CATSPERT: variants seen among roughly 807,000 people sequenced by gnomAD.
The protein encoded by CATSPERT is catsper channel auxiliary subunit tau.
chr2:201,523,748 C>T, the CATSPERT span, among the ~76,000 whole-genome samples: 1 of 152,026 alleles, frequency 6.6e-6, no homozygotes, highest in Admixed American at 6.6e-5. Context: ...CTAAGGAATC[C>T]AGTGAAATGA....
chr2:201,557,022 A>G, the CATSPERT span: 43 of 152,244 alleles, frequency 2.8e-4, no homozygotes, highest in African/African-American at 9.4e-4. Flanking sequence ...TGCTTTTATA[A>G]CCAGTCTCAT....
the CATSPERT span, among the ~76,000 whole-genome samples, chr2:201,594,110 C>G: frequency 6.6e-6 from 1 of 152,202 alleles, no homozygotes; most frequent in African/African-American, 2.4e-5. Context: ...TTTGCAGCAG[C>G]TGGTACTGGT....
the CATSPERT span, among the ~76,000 whole-genome samples, chr2:201,533,493 C>T: frequency 6.6e-6 from 1 of 152,170 alleles, no homozygotes; most frequent in Non-Finnish European, 1.5e-5. Flanking sequence ...TTTTCCTGTT[C>T]TTGGCTCATC....
At chr2:201,579,623 T>A in the CATSPERT span, among the ~76,000 whole-genome samples, 2 of 152,088 alleles carry the variant, frequency 1.3e-5, no homozygotes, top group Non-Finnish European at 2.9e-5. Flanking sequence ...CTGTATTCAG[T>A]CAAATGTGTT....
the CATSPERT span, among the ~76,000 whole-genome samples, chr2:201,533,857 G>A: frequency 1.3e-5 from 2 of 152,106 alleles, no homozygotes; most frequent in Non-Finnish European, 2.9e-5. Flanking sequence ...CCCTGTGCTC[G>A]TCCCAAGCCT....
chr2:201,550,195 C>T, the CATSPERT span: 117 of 152,282 alleles, frequency 7.7e-4, 1 homozygote, highest in African/African-American at 2.7e-3. Flanking sequence ...CATGACCAGG[C>T]CTATACTATG....
chr2:201,583,615 C>T, the CATSPERT span, among the ~76,000 whole-genome samples: 5 of 151,946 alleles, frequency 3.3e-5, no homozygotes, highest in African/African-American at 1.2e-4. Context: ...GAAAATGGTC[C>T]CAAACTGGTA....
At chr2:201,565,780 T>C in the CATSPERT span, 7 of 1,611,290 alleles carry the variant, frequency 4.3e-6, no homozygotes, top group African/African-American at 8.0e-5. Flanking sequence ...AGATGGCTGG[T>C]TGGAGGATTG....
At chr2:201,577,708 A>G in the CATSPERT span, among the ~76,000 whole-genome samples, 1 of 152,272 alleles carries the variant, frequency 6.6e-6, no homozygotes, top group East Asian at 1.9e-4. Context: ...AACAGTAGAA[A>G]GGTGGTTACC....
the CATSPERT span, among the ~76,000 whole-genome samples, chr2:201,611,756 T>TATC: frequency 2.0e-5 from 3 of 152,032 alleles, no homozygotes; most frequent in African/African-American, 7.2e-5. Context: ...CACAGATGAA[T>TATC]GCTAGTATCC....
chr2:201,536,555 C>A, the CATSPERT span, among the ~76,000 whole-genome samples: 1 of 151,840 alleles, frequency 6.6e-6, no homozygotes, highest in South Asian at 2.1e-4. Flanking sequence ...TCTCATATAT[C>A]CAAATTTATA....
chr2:201,491,702 C>G, the CATSPERT span: 1 of 1,537,062 alleles, frequency 6.5e-7, no homozygotes, highest in African/African-American at 1.4e-5. Flanking sequence ...GATGTTAATA[C>G]TGCTTCAGGT....
At chr2:201,487,852 G>C in the CATSPERT span, 1 of 1,613,696 alleles carries the variant, frequency 6.2e-7, no homozygotes, top group Non-Finnish European at 8.5e-7. Context: ...CTTTTTTAAG[G>C]TGTGTAAATG....
chr2:201,565,816 T>C, the CATSPERT span: 9 of 1,612,400 alleles, frequency 5.6e-6, no homozygotes, highest in Non-Finnish European at 7.6e-6. Context: ...AACAGTAACA[T>C]TCAGGTCTGG....
the CATSPERT span, among the ~76,000 whole-genome samples, chr2:201,606,999 A>T: frequency 2.0e-5 from 3 of 152,096 alleles, no homozygotes; most frequent in African/African-American, 7.2e-5. Flanking sequence ...AGAAACCACC[A>T]AACAACTATA....
the CATSPERT span, among the ~76,000 whole-genome samples, chr2:201,608,905 A>C: frequency 6.6e-6 from 1 of 151,996 alleles, no homozygotes; most frequent in Non-Finnish European, 1.5e-5. Context: ...ATTAAAAAAA[A>C]AAACATGACC....
the CATSPERT span, chr2:201,494,153 G>GT: frequency 5.1e-5 from 78 of 1,531,586 alleles, no homozygotes; most frequent in Middle Eastern, 1.7e-4. Flanking sequence ...TTTAAATCTT[G>GT]TTTTTTTTCC....
At chr2:201,601,274 G>GTC in the CATSPERT span, among the ~76,000 whole-genome samples, 1 of 14,160 alleles carries the variant, frequency 7.1e-5, no homozygotes. Flanking sequence ...AAGGATGATA[G>GTC]TGTGTGTGTG....
chr2:201,570,862 A>C, the CATSPERT span, among the ~76,000 whole-genome samples: 1 of 152,102 alleles, frequency 6.6e-6, no homozygotes, highest in Non-Finnish European at 1.5e-5. Flanking sequence ...ATGCACTACT[A>C]CCACTTTTAC....
Sources: gnomAD v4.1 joint callset for allele counts (sites outside exome capture counted in the v4.1 genomes callset) on GRCh38, gnomAD v4.1.1 for gene constraint, MANE v1.5 for transcripts, NCBI Gene and HGNC (gene_info 2026-07-23, HGNC 2026-07-21) for gene names.